HIVEP3: variants seen among roughly 807,000 people sequenced by gnomAD.
The protein encoded by HIVEP3 is HIVEP zinc finger 3, also known as transcription factor HIVEP3.
HIVEP3 carries 49 observed loss-of-function variants against 152.8 expected under a neutral mutation model. The observed-to-expected ratio is 0.32, with a 90% CI of 0.26 to 0.41. The LOEUF is 0.41. Among genes scored for constraint, HIVEP3 ranks in the 10% least tolerant of loss-of-function variants. The probability of loss-of-function intolerance (pLI) is 1.00; values close to 1 mark genes in which losing one functional copy is unlikely to be tolerated. For synonymous variants in HIVEP3, 1,269 were observed against 1,289.0 expected, an observed-to-expected ratio of 0.98 and a Z score of 0.33; for missense variants, 2,790 against 3,103.3, an observed-to-expected ratio of 0.90 and a Z score of 2.40.
intron 1 of HIVEP3, among the ~76,000 whole-genome samples, chr1:41,720,423 T>C (rs1646658247): frequency 6.6e-6 from 1 of 152,248 alleles, no homozygotes; most frequent in African/African-American, 2.4e-5. Flanking sequence ...TTCATCCAGC[T>C]CTGACTCACC....
chr1:41,586,603 T>C (rs537908765), intron 3 of HIVEP3, among the ~76,000 whole-genome samples: 1 of 152,316 alleles, frequency 6.6e-6, no homozygotes, highest in South Asian at 2.1e-4. Flanking sequence ...CACTCTTCGT[T>C]TCACTAGGTG....
intron 1 of HIVEP3, among the ~76,000 whole-genome samples, chr1:41,870,790 T>C (rs889680909): frequency 4.6e-5 from 7 of 152,150 alleles, no homozygotes; most frequent in Admixed American, 2.6e-4. Context: ...AGAAGCAGCA[T>C]AGGGTCATCG....
intron 2 of HIVEP3, among the ~76,000 whole-genome samples, chr1:41,649,042 A>T (rs1236973594): frequency 6.6e-6 from 1 of 152,192 alleles, no homozygotes; most frequent in Non-Finnish European, 1.5e-5. Flanking sequence ...CCTGCTTTGG[A>T]TCATATAATA....
chr1:41,651,411 CAAAAAAAAA>C (rs35508121), intron 2 of HIVEP3, among the ~76,000 whole-genome samples: 1 of 89,068 alleles, frequency 1.1e-5, no homozygotes, highest in Non-Finnish European at 2.2e-5. Context: ...AACTCCATCT[CAAAAAAAAA>C]AAAAAAAAAA....
chr1:41,962,345 G>A (rs112173675), intron 1 of HIVEP3, among the ~76,000 whole-genome samples: 3 of 152,232 alleles, frequency 2.0e-5, no homozygotes, highest in African/African-American at 7.2e-5. Flanking sequence ...TGGAACCAGT[G>A]GTTTGAAAAT....
At chr1:41,536,306 A>G (rs1295774684) in intron 5 of HIVEP3, among the ~76,000 whole-genome samples, 1 of 152,130 alleles carries the variant, frequency 6.6e-6, no homozygotes, top group Non-Finnish European at 1.5e-5. Context: ...AGCTAGTGGG[A>G]GGGAATTCAT....
intron 1 of HIVEP3, among the ~76,000 whole-genome samples, chr1:41,907,585 G>A (rs1403999673): frequency 6.6e-6 from 1 of 152,200 alleles, no homozygotes; most frequent in Non-Finnish European, 1.5e-5. Flanking sequence ...TCCCTCCCCT[G>A]GGCCTGCGGG....
rs1254028629 is a variant in HIVEP3, at chr1:41,512,896, C to A, written c.6325G>T (p.Asp2109Tyr). 6.3e-7 allele frequency: 1 copy of A among 1,575,708 alleles called. No individual in the cohort carries two copies. Among genetic ancestry groups the A allele is most frequent in the Admixed American group, 1.8e-5 (1 of 54,408 alleles). ...AGEHGPGLGL[D>Y]PRVLFPPAPL... ...GCGGGCGGGAAGAGAACCCGTGGGT[C>A]CAGCCCCAAGCCTGGGCCATGCTCC... Residue 2109 changes from aspartate (D) to tyrosine (Y), a missense_variant, in exon 8 of 9, where the codon GAC becomes TAC. Transcript: ENST00000372583.
At chr1:41,811,110 T>C (rs1201558694) in intron 1 of HIVEP3, among the ~76,000 whole-genome samples, 1 of 151,886 alleles carries the variant, frequency 6.6e-6, no homozygotes, top group African/African-American at 2.4e-5. Context: ...TTTTTTTTTT[T>C]TGTACCTAAT....
intron 1 of HIVEP3, among the ~76,000 whole-genome samples, chr1:41,955,160 T>G (rs1335900512): frequency 6.6e-6 from 1 of 152,176 alleles, no homozygotes; most frequent in African/African-American, 2.4e-5. Flanking sequence ...AAACCCATTT[T>G]ACAACAGGGA....
intron 5 of HIVEP3, among the ~76,000 whole-genome samples, chr1:41,549,288 G>T (rs1225912174): frequency 6.6e-6 from 1 of 152,216 alleles, no homozygotes; most frequent in East Asian, 1.9e-4. Context: ...GGGCATTTGA[G>T]TTGGTTCCAA....
At chr1:41,722,403 G>GCCTGCCTTGCTT (rs1553253035) in intron 1 of HIVEP3, among the ~76,000 whole-genome samples, 2 of 112,974 alleles carry the variant, frequency 1.8e-5, no homozygotes, top group African/African-American at 7.3e-5. Flanking sequence ...AATTTGGCTG[G>GCCTGCCTTGCTT]CCTTCCTTCC....
In HIVEP3 at chr1:41,572,848, AAACAT is replaced by A. The variant is rs151242893; in HGVS notation, c.5207+2691_5207+2695del. Among the ~76,000 whole-genome samples, 53 of 152,388 alleles carry A rather than the reference AAACAT, an allele frequency of 3.5e-4. 1 individual carries two copies. The highest frequency in any genetic ancestry group is 1.3e-3 in the African/African-American group (52 of 41,598). Reference sequence around the variant, plus strand: ...ATGCACGTCAAAAACACTGTTGAGTAAACATAACAAGTTACAGATGTATGTTAAAC... The same window carrying A: ...ATGCACGTCAAAAACACTGTTGAGTAAACAAGTTACAGATGTATGTTAAAC... On this transcript the variant is annotated intron_variant, in intron 5 of 8. Coordinates refer to ENST00000372583, the MANE Select transcript of HIVEP3 (RefSeq NM_024503.5).
intron 2 of HIVEP3, among the ~76,000 whole-genome samples, chr1:41,685,801 C>A (rs1186472924): frequency 6.6e-6 from 1 of 152,330 alleles, no homozygotes; most frequent in East Asian, 1.9e-4. Flanking sequence ...ATCTTTGTAA[C>A]TCTCAATAAC....
chr1:41,527,853 A>G (rs1343919877), intron 5 of HIVEP3, among the ~76,000 whole-genome samples: 55 of 116,474 alleles, frequency 4.7e-4, no homozygotes, highest in Admixed American at 3.6e-3. Flanking sequence ...CCCCACCCTC[A>G]CCCTCACACC....
chr1:41,584,428 G>A lies in HIVEP3; in HGVS notation c.370C>T (p.Pro124Ser), dbSNP rs1283860952. 1 of 1,614,162 alleles carries A rather than the reference G, an allele frequency of 6.2e-7. No individual in the cohort carries two copies. Among genetic ancestry groups the A allele is most frequent in the Admixed American group, 1.7e-5 (1 of 60,030 alleles). ...GAGCCAGAGGGTCCAGGTCTCATGG[G>A]GTCAACCAGTTGCCATGTGGACCCC... ...LEGSTWQLVD[P>S]MRPGPSGSFV... The change falls in exon 4 of 9, where the codon CCC becomes TCC. Residue 124 changes from proline to serine, a missense_variant. Physicochemically the swap from Pro to Ser is moderately conservative, Grantham distance 74 (BLOSUM62 -1). This residue lies in a region of HIVEP3 where 209 missense variants were observed against 237.0 expected (regional missense o/e 0.88). Coordinates refer to ENST00000372583, the MANE Select transcript of HIVEP3 (RefSeq NM_024503.5). This position sits in a 1 kb window ranked among gnomAD's most constrained non-coding sequence, Gnocchi z 5.2.
intron 5 of HIVEP3, 68 bp downstream of exon 5, chr1:41,575,476 G>A (rs1227054735): frequency 1.2e-5 from 18 of 1,547,420 alleles, no homozygotes; most frequent in African/African-American, 8.1e-5. Context: ...ACTGCTGCCC[G>A]TGAACACCAA....
intron 1 of HIVEP3, among the ~76,000 whole-genome samples, chr1:41,997,777 G>A (rs1348300905): frequency 6.6e-6 from 1 of 152,120 alleles, no homozygotes. Context: ...CAAAATACAA[G>A]TTTCCCATGC....
chr1:41,676,609 C>T (rs1645960552), intron 2 of HIVEP3, among the ~76,000 whole-genome samples: 1 of 152,226 alleles, frequency 6.6e-6, no homozygotes, highest in Non-Finnish European at 1.5e-5. Flanking sequence ...GCGCTTTCAT[C>T]CATCTCAGGG....
Sources: gnomAD v4.1 joint callset for allele counts (sites outside exome capture counted in the v4.1 genomes callset) on GRCh38, gnomAD v4.1.1 for gene constraint, gnomAD v4.1.1 regional missense constraint, Gnocchi (gnomAD v3.1) non-coding constraint, MANE v1.5 for transcripts, NCBI Gene and HGNC (gene_info 2026-07-23, HGNC 2026-07-21) for gene names.